WWC1: variants seen among roughly 807,000 people sequenced by gnomAD.
WWC1 encodes WW and C2 domain containing 1, also known as protein KIBRA.
In WWC1, 55 loss-of-function variants were observed where a neutral mutation model predicts 138.4. The ratio of observed to expected loss-of-function variants is 0.40; its 90% CI spans 0.32 to 0.50. The LOEUF (loss-of-function observed/expected upper bound fraction) is 0.50. Among genes scored for constraint, WWC1 ranks in the 20% least tolerant of loss-of-function variants. The probability of loss-of-function intolerance (pLI) is 0.72; values close to 1 mark genes in which losing one functional copy is unlikely to be tolerated. For synonymous variants in WWC1, 524 were observed against 564.9 expected, an observed-to-expected ratio of 0.93 and a Z score of 1.03; for missense variants, 1,226 against 1,420.4, an observed-to-expected ratio of 0.86 and a Z score of 2.20.
intron 17 of WWC1, among the ~76,000 whole-genome samples, chr5:168,446,934 G>T (rs1351998410): frequency 6.6e-6 from 1 of 152,226 alleles, no homozygotes; most frequent in African/African-American, 2.4e-5. Flanking sequence ...GGTCTTAAGT[G>T]CATGTGCTTT....
Position 168,444,559 on chromosome 5 carries a change from C to A in WWC1, c.2499C>A (p.Ser833Arg). The change falls in exon 17 of 23, where the codon AGC becomes AGA. Residue 833 changes from serine (S) to arginine (R), a missense_variant. This residue lies in a region of WWC1 where 1,016 missense variants were observed against 1,153.9 expected (regional missense o/e 0.88). Coordinates refer to ENST00000265293, the MANE Select transcript of WWC1 (RefSeq NM_015238.3). ...TGGAGAAGAGGCAGGAGGGCAGGAG[C>A]AGCACACAGACACTGGAAGACAGCT... The part of the protein sequence containing the change: ...VELEKRQEGR[S>R]STQTLEDSWR... 6.2e-7 allele frequency: 1 copy of A among 1,612,022 alleles called. No individual in the cohort carries two copies.
chr5:168,354,104 G>T (rs1775210725), intron 1 of WWC1, among the ~76,000 whole-genome samples: 1 of 151,784 alleles, frequency 6.6e-6, no homozygotes, highest in African/African-American at 2.4e-5. Context: ...AGGCTGGAGT[G>T]CAGTGGTGTG....
intron 1 of WWC1, among the ~76,000 whole-genome samples, chr5:168,327,049 CA>C (rs1772625111): frequency 2.0e-5 from 3 of 152,180 alleles, no homozygotes; most frequent in Admixed American, 2.0e-4. Context: ...TTGGTTATTG[CA>C]ACAGTCAGCT....
rs1354123052 is a variant in WWC1 at position 168,410,931 on chromosome 5, C to CTTTTTTT, written c.941+951_941+957dup. Among the ~76,000 whole-genome samples the CTTTTTTT allele has an allele frequency of 1.7e-4, 20 of 114,470 alleles. 2 individuals carry two copies. Among genetic ancestry groups the CTTTTTTT allele is most frequent in the African/African-American group, 2.0e-4 (6 of 29,960 alleles). The allele number at this position is 114,470 out of a possible 152,430, so 75.1% of individuals were successfully genotyped here. A position where few individuals can be genotyped will look rare whatever the true frequency, so the allele number is the denominator to read the frequency against. On this transcript the variant is annotated intron_variant, in intron 8 of 22. Transcript: ENST00000265293. ...TCTGTCTTTAAGTTCATGATCTTTG[C>CTTTTTTT]TTTTTTTTTTTTTTTTTTTTTGAGA...
intron 4 of WWC1, among the ~76,000 whole-genome samples, chr5:168,398,205 G>A (rs1023260551): frequency 6.6e-6 from 1 of 152,102 alleles, no homozygotes; most frequent in Non-Finnish European, 1.5e-5. Flanking sequence ...CTGGGTTCAC[G>A]GCATTCTCCT....
At chr5:168,376,147 G>A (rs993455491) in intron 2 of WWC1, among the ~76,000 whole-genome samples, 3 of 151,486 alleles carry the variant, frequency 2.0e-5, no homozygotes, top group Non-Finnish European at 2.9e-5. Flanking sequence ...TCCGCCTCCC[G>A]AGTTCAAACA....
chr5:168,460,410 C>T (rs927548446), intron 19 of WWC1, among the ~76,000 whole-genome samples: 2 of 152,190 alleles, frequency 1.3e-5, no homozygotes, highest in East Asian at 1.9e-4. Context: ...ATGGGATATT[C>T]GTGGCATTTA....
At chr5:168,460,607 G>A (rs373275177) in intron 19 of WWC1, 43 bp from the exon 20 acceptor site, 17 of 1,599,082 alleles carry the variant, frequency 1.1e-5, no homozygotes, top group East Asian at 2.2e-5. Context: ...CTTCCAGAAT[G>A]CACTCTGACC....
At chr5:168,409,258 T>C (rs1180594864) in intron 7 of WWC1, among the ~76,000 whole-genome samples, 1 of 152,240 alleles carries the variant, frequency 6.6e-6, no homozygotes, top group Non-Finnish European at 1.5e-5. Flanking sequence ...TTCCAGCCTC[T>C]GTGGCGGACA....
intron 1 of WWC1, among the ~76,000 whole-genome samples, chr5:168,336,920 C>T (rs1773524542): frequency 3.3e-5 from 5 of 152,168 alleles, no homozygotes; most frequent in Admixed American, 3.3e-4. Flanking sequence ...GACTTCAGAT[C>T]CTGCTTTTAA....
intron 15 of WWC1, among the ~76,000 whole-genome samples, chr5:168,432,507 A>G (rs60603325): frequency 0.11 from 17,287 of 152,256 alleles, 1,028 homozygotes; most frequent in Admixed American, 0.18. Flanking sequence ...GTGATGTACA[A>G]GTGAATTAGA....
chr5:168,300,802 G>A (rs113860801), intron 1 of WWC1, among the ~76,000 whole-genome samples: 6 of 152,030 alleles, frequency 3.9e-5, no homozygotes, highest in African/African-American at 9.7e-5. Context: ...TGTTGGATTC[G>A]TCCCTGGGGT....
At chr5:168,344,732 G>A (rs1001617908) in intron 1 of WWC1, among the ~76,000 whole-genome samples, 3 of 152,180 alleles carry the variant, frequency 2.0e-5, no homozygotes, top group Non-Finnish European at 4.4e-5. Context: ...AGTGCAGGGG[G>A]TTCATATTCC....
At chr5:168,298,902 G>A (rs929570571) in intron 1 of WWC1, among the ~76,000 whole-genome samples, 1 of 152,196 alleles carries the variant, frequency 6.6e-6, no homozygotes, top group African/African-American at 2.4e-5. Flanking sequence ...TGGCCAACAT[G>A]GTGAAACCAC....
intron 15 of WWC1, among the ~76,000 whole-genome samples, chr5:168,435,097 G>T (rs983492527): frequency 6.6e-6 from 1 of 152,102 alleles, no homozygotes; most frequent in African/African-American, 2.4e-5. Flanking sequence ...AAATTATACT[G>T]TATCTCCCTG....
chr5:168,385,953 T>G (rs1778012826), intron 3 of WWC1, among the ~76,000 whole-genome samples: 2 of 152,214 alleles, frequency 1.3e-5, no homozygotes, highest in Non-Finnish European at 1.5e-5. Context: ...CCAGCCACTC[T>G]TGCCTCATCT....
At chr5:168,385,957 C>T (rs112907527) in intron 3 of WWC1, among the ~76,000 whole-genome samples, 285 of 152,288 alleles carry the variant, frequency 1.9e-3, no homozygotes, top group Non-Finnish European at 3.1e-3. Context: ...CCACTCTTGC[C>T]TCATCTCATG....
At chr5:168,337,729 C>T (rs1047795768) in intron 1 of WWC1, among the ~76,000 whole-genome samples, 4 of 151,908 alleles carry the variant, frequency 2.6e-5, no homozygotes, top group Non-Finnish European at 5.9e-5. Context: ...GCATCATTGC[C>T]AATTGTTGTA....
chr5:168,460,597 C>A, intron 19 of WWC1, 53 bp from the exon 20 acceptor site: 1 of 1,575,858 alleles, frequency 6.3e-7, no homozygotes, highest in South Asian at 1.1e-5. Flanking sequence ...TTCAGTGCAC[C>A]TTCCAGAATG....
Sources: allele counts gnomAD v4.1 joint callset (sites outside exome capture counted in the v4.1 genomes callset), GRCh38; gene constraint gnomAD v4.1.1; regional missense constraint gnomAD v4.1.1; transcripts MANE v1.5; gene names NCBI Gene and HGNC (gene_info 2026-07-23, HGNC 2026-07-21).